FAM20C: variants seen among roughly 807,000 people sequenced by gnomAD.
FAM20C encodes the protein extracellular serine/threonine protein kinase FAM20C.
FAM20C carries 40 observed loss-of-function variants against 51.5 expected under a neutral mutation model. The observed-to-expected ratio is 0.78, with a 90% CI of 0.60 to 1.01. The LOEUF is 1.01. Ranked by LOEUF, FAM20C falls within the 50% of genes least tolerant of loss-of-function variation. FAM20C has a pLI of 0.00. For synonymous variants in FAM20C, 406 were observed against 380.6 expected (o/e 1.07, Z -0.78); for missense variants, 861 against 844.7 (o/e 1.02, Z -0.24).
intron 3 of FAM20C, among the ~76,000 whole-genome samples, chr7:211,031 A>G (rs1017038004): frequency 3.3e-5 from 5 of 151,946 alleles, no homozygotes; most frequent in African/African-American, 1.2e-4. Flanking sequence ...TGGGGTTTAG[A>G]GAAGGAAAGT....
intron 4 of FAM20C, among the ~76,000 whole-genome samples, 182 bp from the exon 5 acceptor site, chr7:248,133 C>G (rs1002275389): frequency 8.5e-5 from 13 of 152,208 alleles, no homozygotes; most frequent in Non-Finnish European, 1.6e-4. Flanking sequence ...ACCCCCATCA[C>G]CGTGGGGCCA....
chr7:230,949 G>A (rs1226192113), intron 3 of FAM20C, among the ~76,000 whole-genome samples: 2 of 152,174 alleles, frequency 1.3e-5, no homozygotes, highest in African/African-American at 4.8e-5. Context: ...GACCCCGGTG[G>A]GTCCTATAGT....
chr7:210,537 AT>A (rs1786662032), intron 3 of FAM20C, among the ~76,000 whole-genome samples: 1 of 152,084 alleles, frequency 6.6e-6, no homozygotes, highest in Admixed American at 6.5e-5. Context: ...CGGCGTCTTC[AT>A]CTCCCTTGAG....
intron 3 of FAM20C, 156 bp from the exon 4 acceptor site, chr7:246,259 C>T: frequency 1.5e-6 from 1 of 653,532 alleles, no homozygotes. Context: ...CCGTCGGCAG[C>T]TGGGTGCCCA....
intron 3 of FAM20C, among the ~76,000 whole-genome samples, chr7:210,521 G>A (rs1786661017): frequency 6.6e-6 from 1 of 152,180 alleles, no homozygotes; most frequent in Admixed American, 6.5e-5. Flanking sequence ...AATAGTCGCT[G>A]AATGGCGGCG....
At chr7:252,447 T>C (rs1479557715) in intron 5 of FAM20C, among the ~76,000 whole-genome samples, 1 of 151,144 alleles carries the variant, frequency 6.6e-6, no homozygotes, top group Non-Finnish European at 1.5e-5. Flanking sequence ...CCAGAGCACA[T>C]TGGAGGGCTG....
chr7:250,689 G>A (rs1053349122), intron 5 of FAM20C, among the ~76,000 whole-genome samples: 1 of 152,180 alleles, frequency 6.6e-6, no homozygotes, highest in Admixed American at 6.5e-5. Flanking sequence ...TCCAGCCACC[G>A]CCTCCTGCCC....
chr7:235,436 C>T (rs1787818128), intron 3 of FAM20C, among the ~76,000 whole-genome samples: 2 of 152,178 alleles, frequency 1.3e-5, no homozygotes, highest in Admixed American at 6.5e-5. Context: ...GTGTGAGTCT[C>T]AGGACAAATG....
At chr7:228,401 C>G (rs959201397) in intron 3 of FAM20C, 1 of 450,684 alleles carries the variant, frequency 2.2e-6, no homozygotes, top group South Asian at 1.6e-5. Flanking sequence ...AGGACTCAGG[C>G]CCCTCTGCTG....
chr7:210,145 G>T (rs1468701559), intron 3 of FAM20C, among the ~76,000 whole-genome samples: 3 of 152,242 alleles, frequency 2.0e-5, no homozygotes, highest in Admixed American at 1.3e-4. Context: ...AGGGCCTGGG[G>T]CTGAGGGCTG....
At chr7:218,154 C>T (rs1787091052) in intron 3 of FAM20C, among the ~76,000 whole-genome samples, 1 of 152,192 alleles carries the variant, frequency 6.6e-6, no homozygotes, top group African/African-American at 2.4e-5. Flanking sequence ...AGCTGCCAGG[C>T]AGGCCACAGC....
At chr7:222,324 T>G (rs1787263169) in intron 3 of FAM20C, among the ~76,000 whole-genome samples, 1 of 152,128 alleles carries the variant, frequency 6.6e-6, no homozygotes, top group Non-Finnish European at 1.5e-5. Flanking sequence ...ATGGAGGGAC[T>G]TGGGTGTCCA....
chr7:206,338 C>T (rs1786377703), intron 2 of FAM20C, among the ~76,000 whole-genome samples: 7 of 152,186 alleles, frequency 4.6e-5, no homozygotes, highest in Admixed American at 4.6e-4. Context: ...CAGCCAGGGA[C>T]AATCTGTGTG....
At chr7:201,248 G>C (rs1435232478) in intron 2 of FAM20C, among the ~76,000 whole-genome samples, 3 of 152,242 alleles carry the variant, frequency 2.0e-5, no homozygotes, top group Admixed American at 6.5e-5. Flanking sequence ...CCCAAGGACA[G>C]ACGCTGGCCC....
chr7:243,063 C>G, intron 3 of FAM20C, among the ~76,000 whole-genome samples: 1 of 142,000 alleles, frequency 7.0e-6, no homozygotes, highest in Non-Finnish European at 1.5e-5. Flanking sequence ...ACCTGTGCCA[C>G]CCGGGAGACC....
intron 3 of FAM20C, among the ~76,000 whole-genome samples, chr7:240,590 G>T (rs1367011902): frequency 6.6e-6 from 1 of 152,072 alleles, no homozygotes; most frequent in African/African-American, 2.4e-5. Flanking sequence ...GGTGGCAAGA[G>T]CTCAAGGCTG....
chr7:253,662 G>GCTTCCTGGTGTAATTCCC (rs1554255921), intron 5 of FAM20C, among the ~76,000 whole-genome samples: 1 of 152,070 alleles, frequency 6.6e-6, no homozygotes, highest in Non-Finnish European at 1.5e-5. Flanking sequence ...CCGCTTCCCG[G>GCTTCCTGGTGTAATTCCC]GCGAGGGGCT....
At chr7:259,596 C>CTCTG (rs1323188957) in intron 9 of FAM20C, 135 bp from the exon 10 acceptor site, 1 of 865,732 alleles carries the variant, frequency 1.2e-6, no homozygotes, top group Non-Finnish European at 1.5e-6. Flanking sequence ...GTCTTTTTCT[C>CTCTG]TCTGTCTCTG....
intron 5 of FAM20C, among the ~76,000 whole-genome samples, chr7:248,640 T>C (rs1279179527): frequency 3.9e-5 from 5 of 128,536 alleles, no homozygotes; most frequent in Admixed American, 7.8e-5. Flanking sequence ...CCCACATTCA[T>C]CTCGCCAGGT....
Sources: gnomAD v4.1 joint callset for allele counts (sites outside exome capture counted in the v4.1 genomes callset) on GRCh38, gnomAD v4.1.1 for gene constraint, MANE v1.5 for transcripts, NCBI Gene and HGNC (gene_info 2026-07-23, HGNC 2026-07-21) for gene names.